Variants in NRXN3 observed in about 807,000 individuals in gnomAD.
The protein encoded by NRXN3 is neurexin III.
In NRXN3, 32 loss-of-function variants were observed where a neutral mutation model predicts 137.6. The observed-to-expected ratio is 0.23, with a 90% CI of 0.18 to 0.31. The LOEUF is 0.31. NRXN3 is among the 10% of genes least tolerant of loss of function. The probability of loss-of-function intolerance (pLI) is 1.00; values close to 1 mark genes in which losing one functional copy is unlikely to be tolerated. For missense variants in NRXN3, 1,574 were observed against 2,062.5 expected (o/e 0.76, Z 4.59); for synonymous variants, 798 against 784.5 (o/e 1.02, Z -0.29).
chr14:79,513,616 C>T (rs1352172983), intron 16 of NRXN3, among the ~76,000 whole-genome samples: 1 of 152,200 alleles, frequency 6.6e-6, no homozygotes, highest in East Asian at 1.9e-4. Context: ...GCTATATGGG[C>T]TTGGATACAA....
At chr14:78,561,658 T>C (rs1206434585) in intron 4 of NRXN3, among the ~76,000 whole-genome samples, 6 of 152,166 alleles carry the variant, frequency 3.9e-5, no homozygotes, top group African/African-American at 7.2e-5. Context: ...TGATTTTCAG[T>C]CCTACTCTAC....
At chr14:79,417,077 AG>A (rs2095507385) in intron 15 of NRXN3, among the ~76,000 whole-genome samples, 2 of 152,120 alleles carry the variant, frequency 1.3e-5, no homozygotes, top group Admixed American at 1.3e-4. Context: ...TCTACTTACT[AG>A]ATGCATCTCT....
chr14:79,173,529 T>C (rs1490175976), intron 15 of NRXN3, among the ~76,000 whole-genome samples: 2 of 16,882 alleles, frequency 1.2e-4, no homozygotes, highest in Non-Finnish European at 1.6e-4. Flanking sequence ...AGACCTTGTC[T>C]CAAAAAAAAA....
At chr14:79,391,695 C>T (rs1490933192) in intron 15 of NRXN3, among the ~76,000 whole-genome samples, 1 of 152,112 alleles carries the variant, frequency 6.6e-6, no homozygotes, top group African/African-American at 2.4e-5. Flanking sequence ...GGACTTGGCT[C>T]CAGAAAGAAT....
At chr14:78,876,520 A>G (rs1445357917) in intron 10 of NRXN3, among the ~76,000 whole-genome samples, 1 of 152,226 alleles carries the variant, frequency 6.6e-6, no homozygotes, top group Non-Finnish European at 1.5e-5. Context: ...CGTTTGATGA[A>G]GGTGGATATA....
chr14:78,421,785 A>C (rs1317676814), intron 4 of NRXN3, among the ~76,000 whole-genome samples: 1 of 152,086 alleles, frequency 6.6e-6, no homozygotes, highest in Non-Finnish European at 1.5e-5. Flanking sequence ...CAGCCTACCA[A>C]TGTGCTAGGA....
intron 1 of NRXN3, among the ~76,000 whole-genome samples, chr14:78,177,584 G>T (rs905456498): frequency 6.6e-6 from 1 of 151,992 alleles, no homozygotes; most frequent in Non-Finnish European, 1.5e-5. Flanking sequence ...AAAGTGTCCC[G>T]GTTTGGATGA....
intron 20 of NRXN3, among the ~76,000 whole-genome samples, chr14:79,826,025 T>A (rs1442493190): frequency 1.1e-4 from 17 of 152,000 alleles, no homozygotes. Flanking sequence ...GGGGACAGTC[T>A]CACTCTGTAA....
chr14:79,659,885 T>C (rs1043602940), intron 16 of NRXN3, among the ~76,000 whole-genome samples: 1 of 152,220 alleles, frequency 6.6e-6, no homozygotes, highest in African/African-American at 2.4e-5. Flanking sequence ...GTTTTATATC[T>C]GATCAAATGA....
chr14:79,728,372 G>C (rs1009645858), intron 19 of NRXN3, among the ~76,000 whole-genome samples: 2 of 152,122 alleles, frequency 1.3e-5, no homozygotes, highest in Non-Finnish European at 2.9e-5. Context: ...CAGTTGACAG[G>C]GACAGTCCTT....
chr14:78,691,898 T>A (rs552890973), intron 6 of NRXN3, among the ~76,000 whole-genome samples: 51 of 151,986 alleles, frequency 3.4e-4, no homozygotes, highest in Non-Finnish European at 5.4e-4. Flanking sequence ...TCTCCCTTTA[T>A]GATGAAAGAA....
chr14:79,670,216 C>T (rs1247798091), intron 17 of NRXN3, among the ~76,000 whole-genome samples: 3 of 152,022 alleles, frequency 2.0e-5, no homozygotes, highest in African/African-American at 4.8e-5. Flanking sequence ...GTGTTTTCTA[C>T]CATGTAAACG....
intron 15 of NRXN3, 102 bp from the exon 16 acceptor site, chr14:79,467,119 T>G: frequency 8.6e-7 from 1 of 1,164,118 alleles, no homozygotes. Flanking sequence ...ATGGGGGACA[T>G]TTCCTCTCTG....
chr14:78,991,884 C>G (rs1363893688), intron 15 of NRXN3, among the ~76,000 whole-genome samples: 1 of 152,222 alleles, frequency 6.6e-6, no homozygotes, highest in Non-Finnish European at 1.5e-5. Context: ...TGTGAGTTGG[C>G]CAAGCCTGGA....
At chr14:79,261,176 C>A (rs1321254410) in intron 15 of NRXN3, among the ~76,000 whole-genome samples, 1 of 152,022 alleles carries the variant, frequency 6.6e-6, no homozygotes, top group Non-Finnish European at 1.5e-5. Context: ...TTGGGAGACA[C>A]AGGGAGAAGA....
At chr14:79,345,817 C>G (rs1224667987) in intron 15 of NRXN3, among the ~76,000 whole-genome samples, 1 of 152,162 alleles carries the variant, frequency 6.6e-6, no homozygotes, top group African/African-American at 2.4e-5. Flanking sequence ...AGAAGCTGAG[C>G]AAATGTTGGC....
intron 10 of NRXN3, among the ~76,000 whole-genome samples, chr14:78,842,936 A>G (rs918267107): frequency 1.3e-5 from 2 of 152,046 alleles, no homozygotes; most frequent in Non-Finnish European, 2.9e-5. Flanking sequence ...TTCTTTTTTC[A>G]AGGTGCCCAG....
At chr14:79,779,409 G>A (rs4903878) in intron 19 of NRXN3, among the ~76,000 whole-genome samples, 22,267 of 151,922 alleles carry the variant, frequency 0.15, 2,156 homozygotes, top group Admixed American at 0.27. Context: ...CACCATGCCC[G>A]GCCAATCAAT....
intron 4 of NRXN3, among the ~76,000 whole-genome samples, chr14:78,526,224 C>A (rs115832773): frequency 6.6e-6 from 1 of 152,190 alleles, no homozygotes; most frequent in Non-Finnish European, 1.5e-5. Context: ...TAGGCTGATA[C>A]GATCAGAAAG....
Sources: allele counts gnomAD v4.1 joint callset (sites outside exome capture counted in the v4.1 genomes callset), GRCh38; gene constraint gnomAD v4.1.1; transcripts MANE v1.5; gene names NCBI Gene and HGNC (gene_info 2026-07-23, HGNC 2026-07-21).